Variants in CNKSR3 observed in about 807,000 individuals in gnomAD.
The protein encoded by CNKSR3 is CNKSR family member 3.
Under a neutral mutation model 67.7 loss-of-function variants are expected in CNKSR3, and 36 were observed. The ratio of observed to expected loss-of-function variants is 0.53; its 90% CI spans 0.41 to 0.70. The LOEUF is 0.70. Ranked by LOEUF, CNKSR3 falls within the 30% of genes least tolerant of loss-of-function variation. The pLI is 0.00. For missense variants in CNKSR3, 630 were observed against 695.2 expected, an observed-to-expected ratio of 0.91 and a Z score of 1.05; for synonymous variants, 281 against 271.4, an observed-to-expected ratio of 1.04 and a Z score of -0.35.
chr6:154,486,701 C>A (rs1298552575), intron 1 of CNKSR3, among the ~76,000 whole-genome samples: 5 of 151,590 alleles, frequency 3.3e-5, no homozygotes, highest in Non-Finnish European at 5.9e-5. Context: ...ACTATGTTGG[C>A]CAGACTGGTC....
At chr6:154,429,049 C>T (rs1198394387) in intron 6 of CNKSR3, among the ~76,000 whole-genome samples, 1 of 152,154 alleles carries the variant, frequency 6.6e-6, no homozygotes, top group East Asian at 1.9e-4. Context: ...CCTCAGAGGC[C>T]TGAGAGGTAA....
intron 1 of CNKSR3, among the ~76,000 whole-genome samples, chr6:154,480,166 C>G (rs531224443): frequency 6.6e-6 from 1 of 152,326 alleles, no homozygotes; most frequent in South Asian, 2.1e-4. Flanking sequence ...GGAATGTTTT[C>G]TTTTAAATGT....
At chr6:154,457,746 C>T (rs1785989318) in intron 1 of CNKSR3, among the ~76,000 whole-genome samples, 1 of 152,206 alleles carries the variant, frequency 6.6e-6, no homozygotes, top group South Asian at 2.1e-4. Flanking sequence ...GCCATGCTCA[C>T]TCCCTTCTTC....
intron 4 of CNKSR3, among the ~76,000 whole-genome samples, chr6:154,438,385 C>T (rs1052514743): frequency 2.6e-5 from 4 of 152,106 alleles, no homozygotes; most frequent in African/African-American, 9.7e-5. Context: ...TATACACACA[C>T]AAACACACAC....
In CNKSR3 at chr6:154,414,321, G is replaced by A; in HGVS notation, c.1048C>T (p.Pro350Ser). 1 of 1,608,402 alleles carries A rather than the reference G, an allele frequency of 6.2e-7. No homozygotes were observed. ...AILDLYIPPP[P>S]AVPYSPRDEN... ...TACCGGGGAGAGTAGGGAACAGCAG[G>A]CGGAGGAGGAATATAAAGATCCAGG... is the stretch of plus-strand genomic sequence containing the variant. The change falls in exon 10 of 13, where the codon CCT becomes TCT. Residue 350 changes from proline to serine, a missense_variant. This residue lies in a region of CNKSR3 where 308 missense variants were observed against 299.6 expected (regional missense o/e 1.03). Transcript: ENST00000607772.
At chr6:154,438,439 T>C (rs899606179) in intron 4 of CNKSR3, among the ~76,000 whole-genome samples, 7 of 152,146 alleles carry the variant, frequency 4.6e-5, no homozygotes, top group Admixed American at 4.6e-4. Flanking sequence ...TTTATCTTCA[T>C]ACCACACTTT....
In CNKSR3 at chr6:154,414,484, T is replaced by C; in HGVS notation, c.946-61A>G. The C allele has an allele frequency of 3.9e-6, 6 of 1,541,800 alleles. No homozygotes were observed. The South Asian group carries it at 7.6e-5, about 20-fold the overall frequency. ...AGATCAATTCAGAGATGATTCTTGG[T>C]GTTTATTTCCCCTCCCCCAAACCAA... is the stretch of plus-strand genomic sequence containing the variant. On this transcript the variant is annotated intron_variant, in intron 9 of 12. Coordinates refer to ENST00000607772, the MANE Select transcript of CNKSR3 (RefSeq NM_173515.4).
At chr6:154,427,956 T>A (rs1475102608) in intron 7 of CNKSR3, among the ~76,000 whole-genome samples, 172 bp downstream of exon 7, 2 of 152,112 alleles carry the variant, frequency 1.3e-5, no homozygotes, top group East Asian at 3.9e-4. Flanking sequence ...AATAATAGAT[T>A]GACAACAGCT....
intron 1 of CNKSR3, among the ~76,000 whole-genome samples, chr6:154,500,256 A>AACACACACACACACACACAC: frequency 6.8e-6 from 1 of 147,322 alleles, no homozygotes; most frequent in African/African-American, 2.5e-5. Context: ...TAAAATTAGA[A>AACACACACACACACACACAC]ACACACACAC....
chr6:154,408,748 ATAT>A (rs1194760216), intron 12 of CNKSR3, among the ~76,000 whole-genome samples: 3 of 152,234 alleles, frequency 2.0e-5, no homozygotes, highest in African/African-American at 7.2e-5. Context: ...ACCTGACTGT[ATAT>A]TTTAAAAAGC....
At chr6:154,452,989 C>T (rs1055733269) in intron 1 of CNKSR3, among the ~76,000 whole-genome samples, 1 of 152,184 alleles carries the variant, frequency 6.6e-6, no homozygotes, top group Non-Finnish European at 1.5e-5. Flanking sequence ...CAACATAATA[C>T]AAATACAATA....
intron 3 of CNKSR3, among the ~76,000 whole-genome samples, chr6:154,441,753 A>C (rs9479856): frequency 0.19 from 28,123 of 151,442 alleles, 2,791 homozygotes; most frequent in Admixed American, 0.29. Context: ...AAACAAAACA[A>C]AACAAAAATT....
chr6:154,442,441 T>C (rs1582864270), intron 2 of CNKSR3, 151 bp from the exon 3 acceptor site: 1 of 618,178 alleles, frequency 1.6e-6, no homozygotes, highest in East Asian at 2.9e-5. Context: ...GCTAACACGG[T>C]GAAACCCCGT....
intron 1 of CNKSR3, among the ~76,000 whole-genome samples, chr6:154,486,597 A>G (rs1223916309): frequency 7.1e-6 from 1 of 141,150 alleles, no homozygotes; most frequent in Non-Finnish European, 1.5e-5. Context: ...GGTTCCAGCA[A>G]TTCTCCTGCC....
chr6:154,489,544 A>G (rs1037580720), intron 1 of CNKSR3, among the ~76,000 whole-genome samples: 3 of 151,360 alleles, frequency 2.0e-5, no homozygotes, highest in African/African-American at 7.4e-5. Flanking sequence ...ACAAACAAAC[A>G]AACAAACAAA....
At chr6:154,506,586 G>A (rs1190229622) in intron 1 of CNKSR3, among the ~76,000 whole-genome samples, 1 of 152,218 alleles carries the variant, frequency 6.6e-6, no homozygotes, top group South Asian at 2.1e-4. Context: ...TTGCACTGAA[G>A]CATTAAGTAT....
intron 2 of CNKSR3, among the ~76,000 whole-genome samples, chr6:154,448,942 T>A (rs1785765709): frequency 6.6e-6 from 1 of 152,222 alleles, no homozygotes; most frequent in African/African-American, 2.4e-5. Context: ...CTGAATGCTG[T>A]CGAGTTTGTC....
At chr6:154,456,653 G>A (rs1410031561) in intron 1 of CNKSR3, among the ~76,000 whole-genome samples, 2 of 139,512 alleles carry the variant, frequency 1.4e-5, no homozygotes, top group African/African-American at 5.4e-5. Context: ...GTTGCAGTGA[G>A]CTGAGAACAT....
intron 1 of CNKSR3, among the ~76,000 whole-genome samples, chr6:154,468,035 C>T (rs959742411): frequency 3.4e-5 from 5 of 148,358 alleles, no homozygotes; most frequent in African/African-American, 1.2e-4. Flanking sequence ...GCTGGGATTA[C>T]AGGCATGAGC....
Sources: gnomAD v4.1 joint callset for allele counts (sites outside exome capture counted in the v4.1 genomes callset) on GRCh38, gnomAD v4.1.1 for gene constraint, gnomAD v4.1.1 regional missense constraint, MANE v1.5 for transcripts, NCBI Gene and HGNC (gene_info 2026-07-23, HGNC 2026-07-21) for gene names.